The following DPY19L3 variants were observed in gnomAD, a reference collection of about 807,000 sequenced individuals.
DPY19L3 encodes protein C-mannosyl-transferase DPY19L3.
Under a neutral mutation model 92.3 loss-of-function variants are expected in DPY19L3, and 51 were observed. That is an observed-to-expected ratio of 0.55 (90% CI 0.44 to 0.70). The LOEUF (loss-of-function observed/expected upper bound fraction) is 0.70, where lower values mean the gene tolerates loss of function less well. DPY19L3 is among the 30% of genes least tolerant of loss of function. DPY19L3 has a pLI of 0.00. For missense variants in DPY19L3, 706 were observed against 855.9 expected, an observed-to-expected ratio of 0.82 and a Z score of 2.18; for synonymous variants, 309 against 315.2, an observed-to-expected ratio of 0.98 and a Z score of 0.21.
chr19:32,449,870 A>T (rs1347354245), intron 8 of DPY19L3, among the ~76,000 whole-genome samples: 1 of 152,216 alleles, frequency 6.6e-6, no homozygotes, highest in African/African-American at 2.4e-5. Flanking sequence ...CCTTAGATAC[A>T]ATACCAAAAG....
chr19:32,462,513 CA>C (rs59292050), intron 12 of DPY19L3, among the ~76,000 whole-genome samples: 15,027 of 151,766 alleles, frequency 0.099, 1,752 homozygotes, highest in African/African-American at 0.25. Context: ...GTGTTCTTGC[CA>C]AAAAAATGAA....
intron 17 of DPY19L3, 110 bp from the exon 18 acceptor site, chr19:32,480,289 A>G: frequency 8.0e-7 from 1 of 1,251,676 alleles, no homozygotes; most frequent in Non-Finnish European, 1.1e-6. Context: ...TGGAGAGAGC[A>G]CCTTGGGTGT....
At chr19:32,419,420 C>A (rs1968489840) in intron 3 of DPY19L3, among the ~76,000 whole-genome samples, 1 of 152,002 alleles carries the variant, frequency 6.6e-6, no homozygotes, top group Non-Finnish European at 1.5e-5. Context: ...CTCGGCCTCC[C>A]AAAGTGCAGG....
At chr19:32,461,286 C>G (rs915209614) in intron 12 of DPY19L3, among the ~76,000 whole-genome samples, 27 of 152,306 alleles carry the variant, frequency 1.8e-4, no homozygotes, top group Admixed American at 1.5e-3. Context: ...CCACTGCACC[C>G]TGCCAGATAC....
In DPY19L3 at chr19:32,468,997, C is replaced by G. The variant is rs2145614181; in HGVS notation, c.1697+184C>G. ...AATGTCTTTCTATTTAAGAAATATT[C>G]TCTCCAGCTATATCTCATGAAGAAA... On this transcript the variant is annotated intron_variant, in intron 16 of 18. Transcript: ENST00000392250. 3 of 484,622 alleles carry G rather than the reference C, an allele frequency of 6.2e-6. No individual in the cohort carries two copies. In the East Asian group the frequency reaches 1.1e-4, roughly 18 times the overall value. The allele number at this position is 484,622 out of a possible 1,614,324, so 30.0% of individuals were successfully genotyped here.
chr19:32,416,989 G>T (rs1968399980), intron 3 of DPY19L3, among the ~76,000 whole-genome samples: 1 of 152,196 alleles, frequency 6.6e-6, no homozygotes, highest in South Asian at 2.1e-4. Context: ...CACAAATTAG[G>T]AGCTCACCCT....
Position 32,418,535 on chromosome 19 carries a change from C to A in DPY19L3, c.237+7163C>A, listed in dbSNP as rs1968454554. ...TAATTTTTAAATATGTACATATTTT[C>A]TGTAAATAAACAATTAGAAATTATA... is the stretch of plus-strand genomic sequence containing the variant. On this transcript the variant is annotated intron_variant, in intron 3 of 18. Transcript: ENST00000392250. Among the ~76,000 whole-genome samples the A allele has an allele frequency of 2.6e-5, 4 of 152,096 alleles. No homozygotes were observed. The South Asian group carries it at 6.2e-4, about 24-fold the overall frequency.
chr19:32,415,583 G>T (rs979428784), intron 3 of DPY19L3, among the ~76,000 whole-genome samples: 1 of 152,190 alleles, frequency 6.6e-6, no homozygotes, highest in Admixed American at 6.5e-5. Flanking sequence ...TAGAGGCAGC[G>T]ATGTCATCGT....
intron 12 of DPY19L3, among the ~76,000 whole-genome samples, chr19:32,462,164 G>A (rs1301920136): frequency 6.6e-6 from 1 of 151,992 alleles, no homozygotes; most frequent in African/African-American, 2.4e-5. Flanking sequence ...GTAAGATAAG[G>A]GCTGTTTGAA....
chr19:32,440,542 A>G (rs1969289807), intron 8 of DPY19L3, among the ~76,000 whole-genome samples: 3 of 152,236 alleles, frequency 2.0e-5, no homozygotes, highest in African/African-American at 7.2e-5. Flanking sequence ...TATCTAAGGC[A>G]GCAGCATAGC....
chr19:32,448,375 TAAAC>T (rs1969586822), intron 8 of DPY19L3, among the ~76,000 whole-genome samples: 1 of 152,134 alleles, frequency 6.6e-6, no homozygotes, highest in Non-Finnish European at 1.5e-5. Context: ...AGTTGACCCT[TAAAC>T]AACACAGGGG....
rs751146451 is a variant in DPY19L3, at chr19:32,468,761, G to A, written c.1645G>A (p.Glu549Lys). 20 of 1,613,666 alleles carry A rather than the reference G, an allele frequency of 1.2e-5. No homozygotes were observed. In the East Asian group the frequency reaches 1.6e-4, roughly 13 times the overall value. Residue 549 changes from glutamate (E) to lysine (K), a missense_variant, in exon 16 of 19, where the codon GAG (glutamate) becomes AAG (lysine). Glu to Lys is a moderately conservative substitution (Grantham distance 56). Coordinates refer to ENST00000392250, the MANE Select transcript of DPY19L3 (RefSeq NM_001172774.2). ...GCCAGGAATGATGGATGAACTCTCC[G>A]AGTTGAGAGAATTCTATGATCCAGA... Reference protein sequence around the residue: ...FWPGMMDELSELREFYDPDTV... With the variant: ...FWPGMMDELSKLREFYDPDTV...
chr19:32,434,535 T>C (rs1325729846), intron 4 of DPY19L3, among the ~76,000 whole-genome samples: 2 of 152,160 alleles, frequency 1.3e-5, no homozygotes, highest in Non-Finnish European at 2.9e-5. Flanking sequence ...GGCGCATGCC[T>C]GTAATTCCAG....
At chr19:32,433,968 T>C (rs1969053324) in intron 4 of DPY19L3, among the ~76,000 whole-genome samples, 1 of 152,212 alleles carries the variant, frequency 6.6e-6, no homozygotes. Context: ...TCATTCCTCC[T>C]TATTTATTAG....
chr19:32,470,570 G>A (rs1156490320), intron 16 of DPY19L3, among the ~76,000 whole-genome samples: 2 of 152,122 alleles, frequency 1.3e-5, no homozygotes, highest in East Asian at 1.9e-4. Flanking sequence ...ATATTTATTT[G>A]TAGTGCCTTT....
At chr19:32,413,718 C>T (rs1176850714) in intron 3 of DPY19L3, among the ~76,000 whole-genome samples, 2 of 150,460 alleles carry the variant, frequency 1.3e-5, no homozygotes. Flanking sequence ...GTTTATATAT[C>T]TTTTTTTGGG....
chr19:32,436,458 TA>T lies in DPY19L3; in HGVS notation c.343del (p.Ile115TyrfsTer9). On this transcript the variant is annotated frameshift_variant, in exon 5 of 19. Transcript: ENST00000392250. LOFTEE classifies it high-confidence loss of function. ...CACATATCTATAGGTTTTCATGGCC[TA>T]ATATATGATAATAAAACTGAATCTA... ...APTLVQGFHG[L>X]IYDNKTESMK... 1 of 1,523,390 alleles carries T rather than the reference TA, an allele frequency of 6.6e-7. No individual in the cohort carries two copies. Among genetic ancestry groups the T allele is most frequent in the South Asian group, 1.2e-5 (1 of 83,276 alleles). The allele number at this position is 1,523,390 out of a possible 1,614,324, so 94.4% of individuals were successfully genotyped here.
At chr19:32,420,303 G>A (rs1968525672) in intron 3 of DPY19L3, among the ~76,000 whole-genome samples, 1 of 152,188 alleles carries the variant, frequency 6.6e-6, no homozygotes, top group Non-Finnish European at 1.5e-5. Flanking sequence ...GGAGGCACTG[G>A]CTGCTGTGAA....
In DPY19L3 at chr19:32,482,099, G is replaced by C; in HGVS notation, c.2010G>C (p.Glu670Asp). The C allele has an allele frequency of 6.2e-7, 1 of 1,613,766 alleles. No homozygotes were observed. Among genetic ancestry groups the C allele is most frequent in the Non-Finnish European group, 8.5e-7 (1 of 1,179,822 alleles). ...ANGHMMDGPG[E>D]NDPDLKPADH... ...TTTAGATGATGGATGGCCCAGGAGA[G>C]AATGATCCTGATTTGAAACCTGCAG... Residue 670 changes from glutamate (E) to aspartate (D), a missense_variant, in exon 19 of 19, where the codon GAG becomes GAC. Glu to Asp is a conservative substitution (Grantham distance 45). Transcript: ENST00000392250.
Sources: gnomAD v4.1 joint callset for allele counts (sites outside exome capture counted in the v4.1 genomes callset) on GRCh38, gnomAD v4.1.1 for gene constraint, MANE v1.5 for transcripts, NCBI Gene and HGNC (gene_info 2026-07-23, HGNC 2026-07-21) for gene names.